The following B4GALT2 variants were observed in gnomAD, a reference collection of about 807,000 sequenced individuals.
B4GALT2 encodes N-acetyllactosamine synthase.
In B4GALT2, 18 loss-of-function variants were observed where a neutral mutation model predicts 33.2. The observed-to-expected ratio is 0.54, with a 90% CI of 0.38 to 0.80. B4GALT2 has a LOEUF of 0.80. Among genes scored for constraint, B4GALT2 ranks in the 30% least tolerant of loss-of-function variants. The pLI is 0.00. For missense variants in B4GALT2, 404 were observed against 526.2 expected (o/e 0.77, Z 2.27); for synonymous variants, 214 against 217.6 (o/e 0.98, Z 0.15).
In B4GALT2 at chr1:43,982,462, T is replaced by G. The variant is rs1571803343; in HGVS notation, c.549+538T>G. On this transcript the variant is annotated intron_variant, in intron 3 of 6. Coordinates refer to ENST00000372324, the MANE Select transcript of B4GALT2 (RefSeq NM_003780.5). The surrounding 1 kb of genome is among the most constrained non-coding windows in gnomAD (Gnocchi z 4.3). ...CCGTATGATGGGACACAAGTGGAGGTGGAGCAGGGGGCCGTGGGAGCACAG... is the reference window on the plus strand; with the variant it reads ...CCGTATGATGGGACACAAGTGGAGGGGGAGCAGGGGGCCGTGGGAGCACAG... 1.4e-5 allele frequency among the ~76,000 whole-genome samples: 2 copies of G among 147,056 alleles called. No homozygotes were observed. The highest frequency in any genetic ancestry group is 2.1e-4 in the South Asian group (1 of 4,674).
chr1:43,980,108 G>A, intron 1 of B4GALT2: 1 of 1,414,772 alleles, frequency 7.1e-7, no homozygotes, highest in Non-Finnish European at 9.3e-7. Flanking sequence ...AGTTCTCTGT[G>A]TGTCTGAGTG....
chr1:43,990,064 G>A (rs1459910482), intron 6 of B4GALT2, among the ~76,000 whole-genome samples: 2 of 152,140 alleles, frequency 1.3e-5, no homozygotes, highest in Admixed American at 6.5e-5. Context: ...TCAGTCTTGT[G>A]ATCTCTGCTT....
intron 3 of B4GALT2, among the ~76,000 whole-genome samples, chr1:43,983,984 G>A (rs959093469): frequency 2.0e-5 from 3 of 152,188 alleles, no homozygotes; most frequent in Non-Finnish European, 4.4e-5. Context: ...CCCCTCTCCA[G>A]GAACCTTTCT....
intron 6 of B4GALT2, among the ~76,000 whole-genome samples, chr1:43,987,004 G>A (rs544460262): frequency 1.1e-4 from 17 of 152,126 alleles, no homozygotes; most frequent in Non-Finnish European, 2.2e-4. Context: ...TAGCCCTGGT[G>A]TGGGGTTGGT....
rs762106699 is a variant in B4GALT2, at chr1:43,985,444, G to GGT, written c.863+45_863+46insTG. On this transcript the variant is annotated intron_variant, in intron 5 of 6. Transcript: ENST00000372324. ...GGGAATAGGCTGGGTGGGGGGGGGA[G>GGT]GGGGGGTGCAGACTGGGTGGGGTTC... The GGT allele has an allele frequency of 7.7e-4, 573 of 745,904 alleles. 13 individuals are homozygous for GGT. The African/African-American group carries it at 0.017, about 22-fold the overall frequency. The allele number at this position is 745,904 out of a possible 1,614,324, so 46.2% of individuals were successfully genotyped here. A position where few individuals can be genotyped will look rare whatever the true frequency, so the allele number is the denominator to read the frequency against.
chr1:43,980,633 G>T, intron 1 of B4GALT2: 1 of 971,442 alleles, frequency 1.0e-6, no homozygotes, highest in Non-Finnish European at 1.2e-6. Flanking sequence ...ACAGTATTCC[G>T]TCTCTTCCCT....
At chr1:43,989,847 T>A (rs1187090511) in intron 6 of B4GALT2, among the ~76,000 whole-genome samples, 1 of 152,186 alleles carries the variant, frequency 6.6e-6, no homozygotes, top group African/African-American at 2.4e-5. Context: ...TTTCTATTAT[T>A]TATATTACCA....
rs1295963153 is a variant in B4GALT2, at chr1:43,985,583, G to T, written c.930G>T (p.Lys310Asn). 6.2e-7 allele frequency: 1 copy of T among 1,613,954 alleles called. No homozygotes were observed. Among genetic ancestry groups the T allele is most frequent in the Admixed American group, 1.7e-5 (1 of 60,006 alleles). Residue 310 changes from lysine (K) to asparagine (N), a missense_variant, in exon 6 of 7, where the codon AAG (lysine) becomes AAT (asparagine). By Grantham distance (94) the Lys-to-Asn change is moderately conservative. Coordinates refer to ENST00000372324, the MANE Select transcript of B4GALT2 (RefSeq NM_003780.5). ...GAATCGGCCGCTACCGCATGATCAAGCACGACCGCGACAAGCATAACGAAC... is the reference window on the plus strand; with the variant it reads ...GAATCGGCCGCTACCGCATGATCAATCACGACCGCGACAAGCATAACGAAC... Reference protein sequence around the residue: ...DIRIGRYRMIKHDRDKHNEPN... With the variant: ...DIRIGRYRMINHDRDKHNEPN...
In B4GALT2 at chr1:43,984,989, G is replaced by A. The variant is rs202199424; in HGVS notation, c.674G>A (p.Arg225His). The A allele has an allele frequency of 1.8e-5, 29 of 1,613,526 alleles. No homozygotes were observed. Among genetic ancestry groups the A allele is most frequent in the Admixed American group, 5.0e-5 (3 of 59,992 alleles). The stretch of plus-strand genomic sequence containing the variant: ...GTGGACCTGGTCCCCATGGATGACC[G>A]CAACCTATACCGCTGCGGCGACCAA... ...SDVDLVPMDDRNLYRCGDQPR... is the reference protein window; with the variant it reads ...SDVDLVPMDDHNLYRCGDQPR... Residue 225 changes from arginine (R) to histidine (H), a missense_variant, in exon 4 of 7, where the codon CGC becomes CAC. Coordinates refer to ENST00000372324, the MANE Select transcript of B4GALT2 (RefSeq NM_003780.5). This position sits in a 1 kb window ranked among gnomAD's most constrained non-coding sequence, Gnocchi z 5.6.
intron 6 of B4GALT2, among the ~76,000 whole-genome samples, chr1:43,989,717 G>A (rs1448509637): frequency 2.0e-5 from 3 of 152,204 alleles, no homozygotes; most frequent in Non-Finnish European, 2.9e-5. Flanking sequence ...GTCCATGGCC[G>A]ATGGTCTTAT....
chr1:43,979,842 C>T lies in B4GALT2; in HGVS notation c.-53+331C>T. The T allele has an allele frequency of 1.5e-6, 1 of 677,164 alleles. No homozygotes were observed. The allele number at this position is 677,164 out of a possible 1,614,324, so 41.9% of individuals were successfully genotyped here. On this transcript the variant is annotated intron_variant, in intron 1 of 6. Transcript: ENST00000372324. The surrounding 1 kb of genome is among the most constrained non-coding windows in gnomAD (Gnocchi z 4.8). ...CCCTGCCCCCAGGCTCCACACCCAC[C>T]CGGTCTGTGCGGCCTGCCCGTCCGC...
rs2085720131 is a variant in B4GALT2 at position 43,990,614 on chromosome 1, T to C, written c.*166T>C. On this transcript the variant is annotated 3_prime_UTR_variant, in exon 7 of 7. Coordinates refer to ENST00000372324, the MANE Select transcript of B4GALT2 (RefSeq NM_003780.5). Reference sequence around the variant, plus strand: ...TACACCTGGAAGTTTCAGAACCCACTTTGGGGGGCCTCCTGCCTGGGCAGG... The same window carrying C: ...TACACCTGGAAGTTTCAGAACCCACCTTGGGGGGCCTCCTGCCTGGGCAGG... 5.1e-6 allele frequency: 5 copies of C among 978,766 alleles called. No homozygotes were observed. In the South Asian group the frequency reaches 8.1e-5, roughly 16 times the overall value. The allele number at this position is 978,766 out of a possible 1,614,324, so 60.6% of individuals were successfully genotyped here. A position where few individuals can be genotyped will look rare whatever the true frequency, so the allele number is the denominator to read the frequency against.
At position 43,981,931 on chromosome 1, in the gene B4GALT2, A is replaced by G; in HGVS notation, c.549+7A>G. 3 of 1,612,988 alleles carry G rather than the reference A, an allele frequency of 1.9e-6. No homozygotes were observed. Among genetic ancestry groups the G allele is most frequent in the Non-Finnish European group, 1.7e-6 (2 of 1,179,438 alleles). ...CGTCTATGTCATCAACCAGGTGCCC[A>G]TGCGGGGGTCCATGTGCCTGTTGGT... On this transcript the variant is annotated splice_region_variant and intron_variant, in intron 3 of 6. Coordinates refer to ENST00000372324, the MANE Select transcript of B4GALT2 (RefSeq NM_003780.5). This position sits in a 1 kb window ranked among gnomAD's most constrained non-coding sequence, Gnocchi z 8.1.
rs573984259 is a variant in B4GALT2, at chr1:43,986,405, A to T, written c.968+784A>T. Among the ~76,000 whole-genome samples, 15 of 152,288 alleles carry T rather than the reference A, an allele frequency of 9.8e-5. No homozygotes were observed. The South Asian group carries it at 1.0e-3, about 11-fold the overall frequency. On this transcript the variant is annotated intron_variant, in intron 6 of 6. Coordinates refer to ENST00000372324, the MANE Select transcript of B4GALT2 (RefSeq NM_003780.5). The stretch of plus-strand genomic sequence containing the variant: ...AAGCCTTCCTGGAGGAGGTGATGGT[A>T]ACCTGGAGTTTGAAATAGTTACTCA...
chr1:43,989,585 A>T (rs1368239949), intron 6 of B4GALT2, among the ~76,000 whole-genome samples: 2 of 152,224 alleles, frequency 1.3e-5, no homozygotes, highest in Non-Finnish European at 1.5e-5. Flanking sequence ...CATGCATGTT[A>T]TATACCATCC....
At position 43,981,705 on chromosome 1, in the gene B4GALT2, C is replaced by T. The variant is rs778561098; in HGVS notation, c.330C>T (p.Ile110=). ...TGTCTGCAGTGGGCAGACTGCTGAT[C>T]GAGTTCACCTCACCCATGCCCCTGG... ...SPPGLVGRLL[I]EFTSPMPLER... The change falls in exon 3 of 7, where the codon ATC becomes ATT. Residue 110 remains isoleucine, a synonymous_variant. Transcript: ENST00000372324. This position sits in a 1 kb window ranked among gnomAD's most constrained non-coding sequence, Gnocchi z 8.1. The T allele has an allele frequency of 8.1e-6, 13 of 1,610,402 alleles. No homozygotes were observed. Among genetic ancestry groups the T allele is most frequent in the Middle Eastern group, 1.6e-4 (1 of 6,074 alleles).
rs769535602 is a variant in B4GALT2 at position 43,985,438 on chromosome 1, G to T, written c.863+38G>T. The T allele has an allele frequency of 7.9e-5, 52 of 661,250 alleles. 2 individuals carry two copies. Among genetic ancestry groups the T allele is most frequent in the Admixed American group, 1.4e-4 (6 of 42,264 alleles). The allele number at this position is 661,250 out of a possible 1,614,324, so 41.0% of individuals were successfully genotyped here. On this transcript the variant is annotated intron_variant, in intron 5 of 6. Coordinates refer to ENST00000372324, the MANE Select transcript of B4GALT2 (RefSeq NM_003780.5). ...GCGGTGGGGAATAGGCTGGGTGGGG[G>T]GGGGAGGGGGGGTGCAGACTGGGTG...
At chr1:43,985,191 A>T in intron 4 of B4GALT2, 87 bp from the exon 5 acceptor site, 1 of 1,563,524 alleles carries the variant, frequency 6.4e-7, no homozygotes, top group African/African-American at 1.4e-5. Flanking sequence ...CCTGGACCCC[A>T]TTGGACATTC....
At chr1:43,990,201 GC>G in intron 6 of B4GALT2, 96 bp from the exon 7 acceptor site, 1 of 1,502,168 alleles carries the variant, frequency 6.7e-7, no homozygotes, top group Non-Finnish European at 9.1e-7. Flanking sequence ...GGTCCCCTTG[GC>G]CAAAAGGGGG....
Sources: allele counts gnomAD v4.1 joint callset (sites outside exome capture counted in the v4.1 genomes callset), GRCh38; gene constraint gnomAD v4.1.1; non-coding constraint Gnocchi (gnomAD v3.1); transcripts MANE v1.5; gene names NCBI Gene and HGNC (gene_info 2026-07-23, HGNC 2026-07-21).